SDK1: variants seen among roughly 807,000 people sequenced by gnomAD.
SDK1 encodes sidekick cell adhesion molecule 1, also known as protein sidekick-1.
A neutral mutation model predicts 245.5 loss-of-function variants in SDK1; 157 were observed. The observed-to-expected ratio is 0.64, with a 90% CI of 0.56 to 0.73. The LOEUF (loss-of-function observed/expected upper bound fraction) is 0.73. Ranked by LOEUF, SDK1 falls within the 30% of genes least tolerant of loss-of-function variation. The probability of loss-of-function intolerance (pLI) is 0.00; values close to 1 mark genes in which losing one functional copy is unlikely to be tolerated. For missense variants in SDK1, 3,583 were observed against 3,002.3 expected (o/e 1.19, Z -4.52); for synonymous variants, 1,647 against 1,278.5 (o/e 1.29, Z -6.15).
At chr7:3,826,728 A>G (rs1779785479) in intron 5 of SDK1, among the ~76,000 whole-genome samples, 1 of 152,214 alleles carries the variant, frequency 6.6e-6, no homozygotes, top group Non-Finnish European at 1.5e-5. Context: ...TAGCTTGCGT[A>G]CAGAGTGTCA....
In SDK1 at chr7:3,492,785, A is replaced by G. The variant is rs115406592; in HGVS notation, c.299-126295A>G. 3.1e-3 allele frequency among the ~76,000 whole-genome samples: 471 copies of G among 152,320 alleles called. 4 individuals carry two copies. The highest frequency in any genetic ancestry group is 0.011 in the African/African-American group (453 of 41,570). On this transcript the variant is annotated intron_variant, in intron 1 of 44. Transcript: ENST00000404826. ...ATTGGCAATAATGGCAAACAGAACG[A>G]TGCAGCTGTTTAGCTTGCTCTTGAT...
At chr7:4,055,473 A>C (rs1779135308) in intron 19 of SDK1, among the ~76,000 whole-genome samples, 1 of 151,906 alleles carries the variant, frequency 6.6e-6, no homozygotes, top group Non-Finnish European at 1.5e-5. Context: ...CTGGCTTTTT[A>C]ATGTTGTCAT....
At chr7:4,035,898 A>G (rs186538425) in intron 17 of SDK1, among the ~76,000 whole-genome samples, 171 of 152,088 alleles carry the variant, frequency 1.1e-3, no homozygotes, top group African/African-American at 4.0e-3. Flanking sequence ...TTACAAATCC[A>G]TAATAATAAT....
At chr7:3,753,573 C>G (rs1387232549) in intron 4 of SDK1, among the ~76,000 whole-genome samples, 1 of 152,220 alleles carries the variant, frequency 6.6e-6, no homozygotes, top group African/African-American at 2.4e-5. Context: ...GCAGTTGCCT[C>G]TGATTCCTCC....
At chr7:3,986,583 G>A (rs185617239) in intron 13 of SDK1, among the ~76,000 whole-genome samples, 4 of 152,208 alleles carry the variant, frequency 2.6e-5, no homozygotes, top group Admixed American at 6.5e-5. Context: ...TGTGTAGGCC[G>A]GGCATGGTGG....
chr7:4,090,040 G>A lies in SDK1; in HGVS notation c.3324+10456G>A, dbSNP rs1029625970. Among the ~76,000 whole-genome samples, 3 of 152,340 alleles carry A rather than the reference G, an allele frequency of 2.0e-5. No homozygotes were observed. In the East Asian group the frequency reaches 5.8e-4, roughly 29 times the overall value. On this transcript the variant is annotated intron_variant, in intron 22 of 44. Coordinates refer to ENST00000404826, the MANE Select transcript of SDK1 (RefSeq NM_152744.4). ...AGTGTCTTTAGGAGTCGTCCTAGGT[G>A]ACGCATTTTTGGCCAGAATGTGGGG...
intron 1 of SDK1, among the ~76,000 whole-genome samples, chr7:3,423,387 A>G (rs1165792993): frequency 1.3e-5 from 2 of 152,346 alleles, no homozygotes; most frequent in South Asian, 2.1e-4. Context: ...AGATTGGCTG[A>G]GCAGAGAGAA....
intron 1 of SDK1, among the ~76,000 whole-genome samples, chr7:3,398,679 C>A (rs1054110200): frequency 1.3e-5 from 2 of 150,968 alleles, no homozygotes; most frequent in Non-Finnish European, 2.9e-5. Flanking sequence ...ATTTTTTTAA[C>A]CTCCAGTCTT....
intron 4 of SDK1, among the ~76,000 whole-genome samples, chr7:3,667,605 C>G (rs192139025): frequency 6.6e-6 from 1 of 152,208 alleles, no homozygotes; most frequent in South Asian, 2.1e-4. Context: ...GTGATCAACT[C>G]TTCCTCCACC....
At chr7:3,794,418 C>T (rs551741452) in intron 4 of SDK1, among the ~76,000 whole-genome samples, 1 of 152,126 alleles carries the variant, frequency 6.6e-6, no homozygotes, top group Non-Finnish European at 1.5e-5. Flanking sequence ...AATGTTTATT[C>T]CCTCTGAATC....
intron 1 of SDK1, among the ~76,000 whole-genome samples, chr7:3,399,330 G>T (rs1562463347): frequency 6.6e-6 from 1 of 151,712 alleles, no homozygotes; most frequent in Non-Finnish European, 1.5e-5. Flanking sequence ...TCTCTTTCTT[G>T]ACATTTTTTA....
In SDK1 at chr7:4,186,589, G is replaced by A. The variant is rs112489276; in HGVS notation, c.5098+8003G>A. On this transcript the variant is annotated intron_variant, in intron 35 of 44. Coordinates refer to ENST00000404826, the MANE Select transcript of SDK1 (RefSeq NM_152744.4). ...CTGCCACTGATGGTTTAGGTCACTCGGCGGTCCTGGGGGCTTCTGGGGCCT... is the reference window on the plus strand; with the variant it reads ...CTGCCACTGATGGTTTAGGTCACTCAGCGGTCCTGGGGGCTTCTGGGGCCT... 9.6e-3 allele frequency among the ~76,000 whole-genome samples: 1,460 copies of A among 152,246 alleles called. 23 individuals are homozygous for A. The highest frequency in any genetic ancestry group is 0.033 in the African/African-American group (1,365 of 41,538).
chr7:3,531,902 G>A (rs1302523238), intron 1 of SDK1, among the ~76,000 whole-genome samples: 1 of 152,098 alleles, frequency 6.6e-6, no homozygotes, highest in African/African-American at 2.4e-5. Context: ...TTTTAAACTT[G>A]ATTCATTTAT....
intron 4 of SDK1, among the ~76,000 whole-genome samples, chr7:3,820,235 C>T (rs1048543789): frequency 1.4e-4 from 22 of 152,254 alleles, no homozygotes; most frequent in Non-Finnish European, 2.1e-4. Flanking sequence ...CTTCAGCCTC[C>T]GCCTCCCAGG....
chr7:3,505,880 G>A (rs1782376500), intron 1 of SDK1, among the ~76,000 whole-genome samples: 1 of 152,122 alleles, frequency 6.6e-6, no homozygotes, highest in Non-Finnish European at 1.5e-5. Context: ...TGAATACCAA[G>A]GGAAGACTGT....
chr7:4,077,635 C>T (rs1408463295), intron 21 of SDK1, among the ~76,000 whole-genome samples: 8 of 152,108 alleles, frequency 5.3e-5, no homozygotes, highest in South Asian at 2.1e-4. Flanking sequence ...ACAATCATGG[C>T]GGAAGGCAAG....
intron 44 of SDK1, among the ~76,000 whole-genome samples, chr7:4,260,211 G>A (rs1266885348): frequency 2.0e-5 from 3 of 148,950 alleles, no homozygotes; most frequent in East Asian, 4.1e-4. Flanking sequence ...GCTGCTCCGG[G>A]GCCTCTGTGT....
chr7:3,589,243 G>A (rs1004728313), intron 1 of SDK1, among the ~76,000 whole-genome samples: 1 of 152,154 alleles, frequency 6.6e-6, no homozygotes, highest in African/African-American at 2.4e-5. Flanking sequence ...TGTCAGTACT[G>A]ATCTCACAGG....
intron 1 of SDK1, among the ~76,000 whole-genome samples, chr7:3,488,140 T>G (rs1247030707): frequency 6.6e-6 from 1 of 152,220 alleles, no homozygotes; most frequent in East Asian, 1.9e-4. Flanking sequence ...ACTTTGCCAT[T>G]GCTGTGTGTT....
Sources: allele counts gnomAD v4.1 joint callset (sites outside exome capture counted in the v4.1 genomes callset), GRCh38; gene constraint gnomAD v4.1.1; transcripts MANE v1.5; gene names NCBI Gene and HGNC (gene_info 2026-07-23, HGNC 2026-07-21).